Variants in ATM observed in about 807,000 individuals in gnomAD.
The protein encoded by ATM is serine-protein kinase ATM.
In ATM, 308 loss-of-function variants were observed where a neutral mutation model predicts 387.0. The observed-to-expected ratio is 0.80, with a 90% CI of 0.73 to 0.87. The LOEUF is 0.87. Among genes scored for constraint, ATM ranks in the 40% least tolerant of loss-of-function variants. The pLI is 0.00. For synonymous variants in ATM, 1,156 were observed against 1,187.3 expected (o/e 0.97, Z 0.54); for missense variants, 3,312 against 3,560.9 (o/e 0.93, Z 1.78).
rs762060996 is a variant in ATM at position 108,271,426 on chromosome 11, T to C, written c.3077+20T>C. Reference sequence around the variant, plus strand: ...ATTTTGGTAGGTACAGTCTATTTTGTGGTCCTATTTTTCTTTTGCTATCTG... The same window carrying C: ...ATTTTGGTAGGTACAGTCTATTTTGCGGTCCTATTTTTCTTTTGCTATCTG... On this transcript the variant is annotated intron_variant, in intron 20 of 62. Coordinates refer to ENST00000675843, the MANE Select transcript of ATM (RefSeq NM_000051.4). 1.9e-6 allele frequency: 3 copies of C among 1,613,904 alleles called. No homozygotes were observed. In the South Asian group the frequency reaches 3.3e-5, roughly 18 times the overall value.
rs677068 is a variant in ATM, at chr11:108,245,386, A to G, written c.901+360A>G. Among the ~76,000 whole-genome samples, 754 of 152,278 alleles carry G rather than the reference A, an allele frequency of 5.0e-3. 5 individuals carry two copies. Among genetic ancestry groups the G allele is most frequent in the Middle Eastern group, 0.014 (4 of 294 alleles). ...AAAGCAGGATCTTGTTTATCCACCTATTACTTTTATTAGAAGATAAAATAC... is the reference window on the plus strand; with the variant it reads ...AAAGCAGGATCTTGTTTATCCACCTGTTACTTTTATTAGAAGATAAAATAC... On this transcript the variant is annotated intron_variant, in intron 7 of 62. Transcript: ENST00000675843.
rs1475519596 is a variant in ATM at position 108,339,570 on chromosome 11, CAG to C, written c.8268+3614_8268+3615del. 6.6e-5 allele frequency among the ~76,000 whole-genome samples: 10 copies of C among 152,160 alleles called. No homozygotes were observed. The East Asian group carries it at 1.4e-3, about 21-fold the overall frequency. On this transcript the variant is annotated intron_variant, in intron 56 of 62. Coordinates refer to ENST00000675843, the MANE Select transcript of ATM (RefSeq NM_000051.4). ...ACCCAGATACCCAGTTGAAATCTTC[CAG>C]AGAGTCTTTAGTACCAGAGAAAACA...
intron 45 of ATM, among the ~76,000 whole-genome samples, chr11:108,323,965 G>C (rs2085417381): frequency 6.6e-6 from 1 of 152,074 alleles, no homozygotes; most frequent in African/African-American, 2.4e-5. Flanking sequence ...TGCTCACTAA[G>C]TTTTGTTTTG....
At chr11:108,313,662 G>T (rs1477432959) in intron 40 of ATM, among the ~76,000 whole-genome samples, 1 of 151,752 alleles carries the variant, frequency 6.6e-6, no homozygotes, top group Non-Finnish European at 1.5e-5. Context: ...GGAATATCGT[G>T]TGTGTACTAA....
chr11:108,306,708 G>C (rs2083714272), intron 37 of ATM, among the ~76,000 whole-genome samples: 1 of 152,258 alleles, frequency 6.6e-6, no homozygotes, highest in African/African-American at 2.4e-5. Context: ...AAATTTAAAT[G>C]GTGTATCTTT....
chr11:108,332,420 G>A (rs920258627), intron 52 of ATM, among the ~76,000 whole-genome samples: 1 of 151,966 alleles, frequency 6.6e-6, no homozygotes, highest in Non-Finnish European at 1.5e-5. Flanking sequence ...CAACAAGAGC[G>A]AAACTCTGTC....
chr11:108,320,203 A>AT (rs35760012), intron 44 of ATM, 145 bp downstream of exon 44: 1 of 672,294 alleles, frequency 1.5e-6, no homozygotes, highest in East Asian at 2.7e-5. Flanking sequence ...TTTCCTTGTA[A>AT]TTCTCTGCCC....
At chr11:108,251,138 A>G (rs1330272734) in intron 10 of ATM, 66 bp downstream of exon 10, 1 of 1,592,236 alleles carries the variant, frequency 6.3e-7, no homozygotes, top group Non-Finnish European at 8.6e-7. Context: ...ACACTCACAT[A>G]TCCCTGATCA....
chr11:108,269,889 A>C (rs1164871228), intron 18 of ATM, among the ~76,000 whole-genome samples: 2 of 152,168 alleles, frequency 1.3e-5, no homozygotes, highest in Non-Finnish European at 2.9e-5. Context: ...CCTCGCAGAT[A>C]CTCAAGTCTC....
Position 108,312,511 on chromosome 11 carries a change from G to T in ATM, c.6006+13G>T. 6.6e-7 allele frequency: 1 copy of T among 1,517,362 alleles called. No individual in the cohort carries two copies. The highest frequency in any genetic ancestry group is 1.1e-5 in the South Asian group (1 of 88,952). 94.0% of individuals were successfully genotyped at this position (1,517,362 alleles called of 1,614,324 possible). A position where few individuals can be genotyped will look rare whatever the true frequency, so the allele number is the denominator to read the frequency against. ...AATAAGTTTACAGGTAAATATTAGA[G>T]GCTCTATTATTTATGACAGTATTTA... On this transcript the variant is annotated intron_variant, in intron 40 of 62. Coordinates refer to ENST00000675843, the MANE Select transcript of ATM (RefSeq NM_000051.4).
intron 59 of ATM, among the ~76,000 whole-genome samples, chr11:108,350,843 G>C (rs915990804): frequency 9.2e-5 from 14 of 151,964 alleles, no homozygotes; most frequent in African/African-American, 3.4e-4. Flanking sequence ...AAATGAGAAG[G>C]GTAAATTGGT....
rs587782037 is a variant in ATM, at chr11:108,293,368, A to C, written c.4667A>C (p.Tyr1556Ser). 6.3e-7 allele frequency: 1 copy of C among 1,597,402 alleles called. No homozygotes were observed. Among genetic ancestry groups the C allele is most frequent in the East Asian group, 2.2e-5 (1 of 44,690 alleles). Residue 1556 changes from tyrosine to serine, a missense_variant, in exon 31 of 63, where the codon TAT (tyrosine) becomes TCT (serine). Tyr to Ser is a moderately radical substitution (Grantham distance 144). Around this residue, in one of 4 missense-constraint regions of ATM, gnomAD observed 1,791 missense variants for 1,804.5 expected, o/e 0.99. Transcript: ENST00000675843. The part of the protein sequence containing the change: ...VIDNKDNENL[Y>S]ITIKLLDPFP... ...GATAACAAGGATAATGAAAACCTCT[A>C]TATCACGATTAAGCTTTTAGATCCT...
chr11:108,227,414 A>G (rs1193638801), intron 1 of ATM, 181 bp from the exon 2 acceptor site: 1 of 521,924 alleles, frequency 1.9e-6, no homozygotes, highest in African/African-American at 1.9e-5. Flanking sequence ...CATTTTAAAT[A>G]CGGAAATGTT....
chr11:108,242,617 T>A (rs942422134), intron 5 of ATM, among the ~76,000 whole-genome samples: 5 of 152,128 alleles, frequency 3.3e-5, no homozygotes, highest in Non-Finnish European at 7.4e-5. Flanking sequence ...CTCAGCACTT[T>A]CGGAGGCTGA....
chr11:108,267,121 A>T (rs892283999), intron 16 of ATM, 50 bp from the exon 17 acceptor site: 14 of 1,584,656 alleles, frequency 8.8e-6, no homozygotes, highest in Non-Finnish European at 1.2e-5. Flanking sequence ...TGACTACAGC[A>T]TGCTCCTGCA....
At chr11:108,312,381 C>T (rs370279848) in intron 39 of ATM, 30 bp from the exon 40 acceptor site, 35 of 1,486,758 alleles carry the variant, frequency 2.4e-5, no homozygotes, top group Non-Finnish European at 4.7e-6. Context: ...AGTATGTTCT[C>T]ATTAAAAGAG....
rs2080842050 is a variant in ATM, at chr11:108,261,023, T to G, written c.2466+1948T>G. Reference sequence around the variant, plus strand: ...GTCTCGCTGATTGCTAGCACAGCAGTCTGAGATCAAACTGCAAGGCGGCAG... The same window carrying G: ...GTCTCGCTGATTGCTAGCACAGCAGGCTGAGATCAAACTGCAAGGCGGCAG... On this transcript the variant is annotated intron_variant, in intron 16 of 62. Transcript: ENST00000675843. Among the ~76,000 whole-genome samples the G allele has an allele frequency of 7.2e-5, 11 of 151,984 alleles. 1 individual carries two copies. In the South Asian group the frequency reaches 2.3e-3, roughly 32 times the overall value.
In ATM at chr11:108,304,706, C is replaced by G. The variant is rs764522350; in HGVS notation, c.5528C>G (p.Pro1843Arg). ...VKTDFCQTVL[P>R]YLIHDILLQD... is the part of the protein sequence containing the mutation. ...ACTGACTTTTGTCAGACTGTACTTC[C>G]ATACTTGATTCATGATATTTTACTC... The change falls in exon 37 of 63, where the codon CCA becomes CGA. Residue 1843 changes from proline (P) to arginine (R), a missense_variant. By Grantham distance (103) the Pro-to-Arg change is moderately radical. Around this residue, in one of 4 missense-constraint regions of ATM, gnomAD observed 1,405 missense variants for 1,604.4 expected, o/e 0.88. Coordinates refer to ENST00000675843, the MANE Select transcript of ATM (RefSeq NM_000051.4). The G allele has an allele frequency of 2.5e-6, 4 of 1,613,886 alleles. No homozygotes were observed. The highest frequency in any genetic ancestry group is 3.4e-6 in the Non-Finnish European group (4 of 1,179,922).
At chr11:108,318,890 T>C (rs1298497932) in intron 43 of ATM, among the ~76,000 whole-genome samples, 3 of 151,822 alleles carry the variant, frequency 2.0e-5, no homozygotes, top group African/African-American at 4.8e-5. Context: ...AAAAAAAAAT[T>C]ATTGGCCGAG....
Sources: gnomAD v4.1 joint callset for allele counts (sites outside exome capture counted in the v4.1 genomes callset) on GRCh38, gnomAD v4.1.1 for gene constraint, gnomAD v4.1.1 regional missense constraint, MANE v1.5 for transcripts, NCBI Gene and HGNC (gene_info 2026-07-23, HGNC 2026-07-21) for gene names.